GLIS3: variants seen among roughly 807,000 people sequenced by gnomAD.
GLIS3 encodes zinc finger protein GLIS3.
In GLIS3, 53 loss-of-function variants were observed where a neutral mutation model predicts 78.6. That is an observed-to-expected ratio of 0.67 (90% confidence interval 0.54 to 0.85). The LOEUF is 0.85. Among genes scored for constraint, GLIS3 ranks in the 40% least tolerant of loss-of-function variants. The pLI is 0.00. For synonymous variants in GLIS3, 684 were observed against 509.9 expected (o/e 1.34, Z -4.60); for missense variants, 1,703 against 1,231.1 (o/e 1.38, Z -5.74).
intron 4 of GLIS3, among the ~76,000 whole-genome samples, chr9:3,947,249 A>G (rs1229091263): frequency 6.6e-6 from 1 of 152,206 alleles, no homozygotes; most frequent in East Asian, 1.9e-4. Flanking sequence ...CTTCAGTTTT[A>G]TTAAGAATTG....
chr9:4,058,947 A>G (rs193049972), intron 4 of GLIS3, among the ~76,000 whole-genome samples: 91 of 151,172 alleles, frequency 6.0e-4, no homozygotes, highest in Middle Eastern at 3.4e-3. Flanking sequence ...GCGCCACTGC[A>G]CTCCAGCGTG....
chr9:4,340,712 A>G (rs1259294544), intron 2 of GLIS3, among the ~76,000 whole-genome samples: 2 of 152,140 alleles, frequency 1.3e-5, no homozygotes, highest in Admixed American at 6.5e-5. Flanking sequence ...TTTTGGAGAC[A>G]GAGTCTCGCT....
At chr9:4,279,402 A>C (rs1320098926) in intron 2 of GLIS3, among the ~76,000 whole-genome samples, 2 of 146,432 alleles carry the variant, frequency 1.4e-5, no homozygotes, top group Non-Finnish European at 3.0e-5. Context: ...TATATATATC[A>C]GCGTTTTTTT....
chr9:4,407,555 G>A, the GLIS3 span, among the ~76,000 whole-genome samples: 3 of 152,240 alleles, frequency 2.0e-5, no homozygotes, highest in African/African-American at 7.2e-5. Flanking sequence ...GCTGAGGCAG[G>A]AGAATGGCGA....
chr9:4,338,814 G>C (rs1341893921), intron 2 of GLIS3, among the ~76,000 whole-genome samples: 1 of 152,172 alleles, frequency 6.6e-6, no homozygotes, highest in African/African-American at 2.4e-5. Flanking sequence ...AAGCACTGTT[G>C]CTTGGGTCCC....
intron 4 of GLIS3, among the ~76,000 whole-genome samples, chr9:4,035,555 T>A (rs1056162697): frequency 3.3e-5 from 5 of 152,040 alleles, no homozygotes; most frequent in African/African-American, 4.8e-5. Flanking sequence ...AGTGGCCTAG[T>A]TGAGGCTCTA....
chr9:4,105,159 T>C (rs1830654566), intron 4 of GLIS3, among the ~76,000 whole-genome samples: 1 of 152,234 alleles, frequency 6.6e-6, no homozygotes, highest in South Asian at 2.1e-4. Flanking sequence ...ATATCATACC[T>C]ATCTGAGTGA....
intron 2 of GLIS3, among the ~76,000 whole-genome samples, chr9:4,223,000 C>T (rs964637187): frequency 6.6e-6 from 1 of 152,132 alleles, no homozygotes; most frequent in African/African-American, 2.4e-5. Context: ...AGGGAACAAA[C>T]AGCACTCCTT....
chr9:3,857,582 C>T (rs900691126), intron 8 of GLIS3, among the ~76,000 whole-genome samples: 3 of 152,124 alleles, frequency 2.0e-5, no homozygotes, highest in Admixed American at 1.3e-4. Flanking sequence ...GAGTAGGACT[C>T]GCTAACCTCT....
the GLIS3 span, among the ~76,000 whole-genome samples, chr9:4,370,510 G>A: frequency 1.3e-5 from 2 of 152,030 alleles, no homozygotes; most frequent in African/African-American, 2.4e-5. Context: ...ATTCCAAATT[G>A]TCAAGACCTT....
chr9:4,110,609 G>A (rs1182065282), intron 4 of GLIS3, among the ~76,000 whole-genome samples: 1 of 152,030 alleles, frequency 6.6e-6, no homozygotes, highest in African/African-American at 2.4e-5. Context: ...TAGACAGATT[G>A]GTCTCCCCTC....
chr9:4,283,013 A>C (rs1827688751), intron 2 of GLIS3, among the ~76,000 whole-genome samples: 1 of 151,814 alleles, frequency 6.6e-6, no homozygotes, highest in Non-Finnish European at 1.5e-5. Context: ...CTTCCCTCCA[A>C]GTTTTGAGTG....
chr9:4,119,666 G>C (rs933741640), intron 3 of GLIS3, among the ~76,000 whole-genome samples: 1 of 152,164 alleles, frequency 6.6e-6, no homozygotes, highest in African/African-American at 2.4e-5. Flanking sequence ...TTAAATCCAA[G>C]CAGCTTTGGG....
At chr9:3,830,637 C>T (rs1206199032) in intron 9 of GLIS3, among the ~76,000 whole-genome samples, 1 of 152,172 alleles carries the variant, frequency 6.6e-6, no homozygotes, top group African/African-American at 2.4e-5. Context: ...GGAAGTACCC[C>T]AGGATTTCTT....
Position 4,286,286 on chromosome 9 carries a change from G to T in GLIS3, c.140C>A (p.Ser47Ter), listed in dbSNP as rs757118860. The T allele has an allele frequency of 2.5e-6, 4 of 1,614,246 alleles. No individual in the cohort carries two copies. In the East Asian group the frequency reaches 6.7e-5, roughly 27 times the overall value. The change falls in exon 2 of 11, where the codon TCG (serine) becomes TAG (stop). Residue 47 changes from serine (S) to a stop codon, truncating the protein, a stop_gained. Coordinates refer to ENST00000381971, the MANE Select transcript of GLIS3 (RefSeq NM_001042413.2). LOFTEE classifies it high-confidence loss of function. ...TPGPSPCGST[S>*]SPTMASLANN... ...AGCAAGGCTTGCCATAGTGGGACTC[G>T]ATGTGCTGCCACAGGGCGAGGGGCC...
chr9:4,141,925 G>C (rs1324999482), intron 2 of GLIS3, among the ~76,000 whole-genome samples: 1 of 152,210 alleles, frequency 6.6e-6, no homozygotes, highest in African/African-American at 2.4e-5. Flanking sequence ...AAGAGAACTA[G>C]AGTAATGTAA....
chr9:4,202,646 G>C (rs537745065), intron 2 of GLIS3, among the ~76,000 whole-genome samples: 4 of 151,956 alleles, frequency 2.6e-5, no homozygotes, highest in Non-Finnish European at 4.4e-5. Flanking sequence ...ATAGAATAGA[G>C]AACCCAGAAG....
At chr9:4,303,552 T>C (rs1817149356), upstream of GLIS3, among the ~76,000 whole-genome samples, 1 of 152,214 alleles carries the variant, frequency 6.6e-6, no homozygotes, top group South Asian at 2.1e-4. Context: ...GATGTAATTT[T>C]TTAAAAAATT....
chr9:4,353,560 A>G, the GLIS3 span, among the ~76,000 whole-genome samples: 3 of 152,124 alleles, frequency 2.0e-5, no homozygotes, highest in Non-Finnish European at 4.4e-5. Context: ...GTTGACAGCA[A>G]AACTAAGGAC....
Sources: gnomAD v4.1 joint callset for allele counts (sites outside exome capture counted in the v4.1 genomes callset) on GRCh38, gnomAD v4.1.1 for gene constraint, MANE v1.5 for transcripts, NCBI Gene and HGNC (gene_info 2026-07-23, HGNC 2026-07-21) for gene names.